The following ASS1 variants were observed in gnomAD, a reference collection of about 807,000 sequenced individuals.
ASS1 encodes the protein argininosuccinate synthase.
ASS1 carries 58 observed loss-of-function variants against 60.5 expected under a neutral mutation model. That is an observed-to-expected ratio of 0.96 (90% CI 0.78 to 1.19). The LOEUF is 1.19. Among genes scored for constraint, ASS1 ranks in the 50% most tolerant of loss-of-function variants. ASS1 has a pLI of 0.00. For missense variants in ASS1, 454 were observed against 547.3 expected (o/e 0.83, Z 1.70); for synonymous variants, 200 against 206.9 (o/e 0.97, Z 0.29).
chr9:130,500,867 C>A, intron 14 of ASS1, 109 bp from the exon 15 acceptor site: 2 of 1,225,782 alleles, frequency 1.6e-6, no homozygotes, highest in Non-Finnish European at 2.4e-6. Context: ...TCACACACAT[C>A]TTAACAAACA....
At chr9:130,448,420 G>GCACACA (rs1292113652) in intron 1 of ASS1, among the ~76,000 whole-genome samples, 1 of 66,184 alleles carries the variant, frequency 1.5e-5, no homozygotes, top group African/African-American at 4.4e-5. Flanking sequence ...GTGTGTGCGC[G>GCACACA]CGCACACACA....
intron 13 of ASS1, 129 bp downstream of exon 13, chr9:130,495,152 G>T: frequency 1.5e-6 from 2 of 1,295,484 alleles, no homozygotes; most frequent in South Asian, 2.5e-5. Flanking sequence ...GGTCACAGAG[G>T]ATATAGACAC....
chr9:130,495,291 A>G (rs1846557451), intron 13 of ASS1, among the ~76,000 whole-genome samples: 1 of 151,992 alleles, frequency 6.6e-6, no homozygotes, highest in Admixed American at 6.6e-5. Context: ...TGGGTATAAT[A>G]ACTGGGATTG....
intron 11 of ASS1, among the ~76,000 whole-genome samples, chr9:130,481,867 C>A (rs1372386855): frequency 6.6e-6 from 1 of 152,156 alleles, no homozygotes; most frequent in African/African-American, 2.4e-5. Flanking sequence ...CTGGGGAGGC[C>A]TTGAGAACAA....
chr9:130,495,500 C>CACACAT lies in ASS1; in HGVS notation c.1127+478_1127+479insCACATA, dbSNP rs57531289. Reference sequence around the variant, plus strand: ...ACACACACACACACACACACACACACATATATATATAAAATAATTGGGGTT... The same window carrying CACACAT: ...ACACACACACACACACACACACACACACACATATATATATATAAAATAATTGGGGTT... On this transcript the variant is annotated intron_variant, in intron 13 of 14. Transcript: ENST00000352480. 5.4e-5 allele frequency among the ~76,000 whole-genome samples: 8 copies of CACACAT among 148,370 alleles called. No individual in the cohort carries two copies. In the East Asian group the frequency reaches 5.9e-4, roughly 11 times the overall value.
intron 4 of ASS1, among the ~76,000 whole-genome samples, 163 bp downstream of exon 4, chr9:130,458,752 G>T (rs762514886): frequency 6.6e-5 from 10 of 152,234 alleles, no homozygotes; most frequent in Non-Finnish European, 1.5e-4. Flanking sequence ...GTAACAGCTC[G>T]CCCCTGCGCT....
intron 8 of ASS1, among the ~76,000 whole-genome samples, chr9:130,475,598 TC>T (rs371952433): frequency 0.011 from 1,662 of 152,304 alleles, 24 homozygotes; most frequent in African/African-American, 0.031. Flanking sequence ...TGCACAGAAC[TC>T]ACAGTTGTAG....
At chr9:130,497,998 G>A (rs912857197) in intron 13 of ASS1, among the ~76,000 whole-genome samples, 3 of 152,182 alleles carry the variant, frequency 2.0e-5, no homozygotes, top group Non-Finnish European at 2.9e-5. Flanking sequence ...TGGAGGGGCC[G>A]TGGAGGTGTG....
Position 130,458,557 on chromosome 9 carries a change from G to A in ASS1, c.331G>A (p.Ala111Thr). The part of the protein sequence containing the change: ...KQVEIAQREG[A>T]KYVSHGATGK... ...AGTGGAAATCGCCCAGCGGGAGGGGGCCAAGTATGTGTCCCACGGCGCCAC... is the reference window on the plus strand; with the variant it reads ...AGTGGAAATCGCCCAGCGGGAGGGGACCAAGTATGTGTCCCACGGCGCCAC... Residue 111 changes from alanine to threonine, a missense_variant, in exon 4 of 15, where the codon GCC becomes ACC. Coordinates refer to ENST00000352480, the MANE Select transcript of ASS1 (RefSeq NM_054012.4). 6.2e-7 allele frequency: 1 copy of A among 1,613,250 alleles called. No homozygotes were observed. The highest frequency in any genetic ancestry group is 1.8e-4 in the Middle Eastern group (1 of 5,676).
At chr9:130,484,522 C>A (rs1846255416) in intron 11 of ASS1, among the ~76,000 whole-genome samples, 1 of 152,036 alleles carries the variant, frequency 6.6e-6, no homozygotes, top group Admixed American at 6.5e-5. Flanking sequence ...ACACCTCTGT[C>A]TTTTTCCTGT....
chr9:130,458,373 T>A, intron 3 of ASS1, 28 bp from the exon 4 acceptor site: 1 of 1,611,960 alleles, frequency 6.2e-7, no homozygotes, highest in South Asian at 1.1e-5. Context: ...CTTGCCTACT[T>A]CTTCCTTCTG....
intron 13 of ASS1, among the ~76,000 whole-genome samples, chr9:130,495,746 C>T (rs1384110924): frequency 6.6e-6 from 1 of 152,006 alleles, no homozygotes; most frequent in Non-Finnish European, 1.5e-5. Context: ...AATGCGGTAG[C>T]TTGGACCATG....
At position 130,458,595 on chromosome 9, in the gene ASS1, G is replaced by C. The variant is rs762882350; in HGVS notation, c.363+6G>C. 3.1e-5 allele frequency: 50 copies of C among 1,611,794 alleles called. No homozygotes were observed. The highest frequency in any genetic ancestry group is 3.8e-5 in the Non-Finnish European group (45 of 1,179,580). On this transcript the variant is annotated splice_donor_region_variant and intron_variant, in intron 4 of 14. Transcript: ENST00000352480. ...CCCACGGCGCCACAGGAAAGGTGAG[G>C]CACCTGGGAAGGGCCGGGCAGAGGG... is the stretch of plus-strand genomic sequence containing the variant.
chr9:130,457,326 C>T (rs1845470312), intron 3 of ASS1, among the ~76,000 whole-genome samples: 1 of 152,048 alleles, frequency 6.6e-6, no homozygotes. Flanking sequence ...AAAAACTTAG[C>T]CGGGCGTGGT....
chr9:130,459,441 TGG>T lies in ASS1; in HGVS notation c.363+856_363+857del, dbSNP rs1326493999. The stretch of plus-strand genomic sequence containing the variant: ...CTTGGTTACTTTTTGTGTGTGTGTG[TGG>T]GGGAGAGGGACAAAGTCTCACTCTG... On this transcript the variant is annotated intron_variant, in intron 4 of 14. Transcript: ENST00000352480. This position sits in a 1 kb window ranked among gnomAD's most constrained non-coding sequence, Gnocchi z 4.6. Among the ~76,000 whole-genome samples the T allele has an allele frequency of 3.3e-5, 5 of 151,952 alleles. No individual in the cohort carries two copies. The highest frequency in any genetic ancestry group is 1.9e-4 in the East Asian group (1 of 5,164).
intron 1 of ASS1, 29 bp from the exon 2 acceptor site, chr9:130,452,195 C>T (rs1367966179): frequency 1.4e-5 from 23 of 1,595,766 alleles, no homozygotes; most frequent in Non-Finnish European, 1.7e-5. Flanking sequence ...GTCTCAGGGT[C>T]ACTCAGGTTG....
At chr9:130,473,689 C>A (rs973468603) in intron 8 of ASS1, among the ~76,000 whole-genome samples, 1 of 152,202 alleles carries the variant, frequency 6.6e-6, no homozygotes, top group African/African-American at 2.4e-5. Context: ...TGCCCCTCCC[C>A]CTCTCCAAAA....
At chr9:130,485,269 C>G (rs1313949009) in intron 11 of ASS1, among the ~76,000 whole-genome samples, 1 of 152,184 alleles carries the variant, frequency 6.6e-6, no homozygotes, top group Non-Finnish European at 1.5e-5. Flanking sequence ...CTGGAGGACG[C>G]TCTGAACACT....
chr9:130,447,377 A>T (rs1267345154), intron 1 of ASS1, among the ~76,000 whole-genome samples: 1 of 152,248 alleles, frequency 6.6e-6, no homozygotes, highest in Non-Finnish European at 1.5e-5. Context: ...GTGACTGTGA[A>T]CATAGTAGCC....
Sources: gnomAD v4.1 joint callset for allele counts (sites outside exome capture counted in the v4.1 genomes callset) on GRCh38, gnomAD v4.1.1 for gene constraint, Gnocchi (gnomAD v3.1) non-coding constraint, MANE v1.5 for transcripts, NCBI Gene and HGNC (gene_info 2026-07-23, HGNC 2026-07-21) for gene names.